The following FAM180A variants were observed in gnomAD, a reference collection of about 807,000 sequenced individuals.
FAM180A encodes the protein protein FAM180A.
FAM180A carries 14 observed loss-of-function variants against 15.3 expected under a neutral mutation model. That is an observed-to-expected ratio of 0.92 (90% CI 0.61 to 1.43). The LOEUF (loss-of-function observed/expected upper bound fraction) is 1.43. FAM180A is among the 40% of genes most tolerant of loss of function. The probability of loss-of-function intolerance (pLI) is 0.00; values close to 1 mark genes in which losing one functional copy is unlikely to be tolerated. For missense variants in FAM180A, 200 were observed against 220.8 expected (o/e 0.91, Z 0.60); for synonymous variants, 90 against 96.8 (o/e 0.93, Z 0.41).
At chr7:135,747,058 C>T (rs888324842) in intron 1 of FAM180A, among the ~76,000 whole-genome samples, 2 of 152,158 alleles carry the variant, frequency 1.3e-5, no homozygotes, top group African/African-American at 4.8e-5. Context: ...CAAGATTGCA[C>T]CCCTGCATTC....
chr7:135,740,924 T>G (rs1796935982), intron 1 of FAM180A, among the ~76,000 whole-genome samples: 1 of 150,748 alleles, frequency 6.6e-6, no homozygotes, highest in Admixed American at 6.6e-5. Flanking sequence ...TATCTCTTAT[T>G]GCCAAATTAA....
intron 3 of FAM180A, among the ~76,000 whole-genome samples, chr7:135,730,726 G>A (rs1263216897): frequency 2.0e-5 from 3 of 152,088 alleles, no homozygotes; most frequent in Non-Finnish European, 4.4e-5. Context: ...AGGCAAAATA[G>A]GAGACCCTGT....
rs184844634 is a variant in FAM180A, at chr7:135,736,278, T to C, written c.177+821A>G. On this transcript the variant is annotated intron_variant, in intron 2 of 3. Coordinates refer to ENST00000338588, the MANE Select transcript of FAM180A (RefSeq NM_205855.4). Reference sequence around the variant, plus strand: ...CCTTGTGATCCGCCCGCCTTGGCCTTCCAAAGTGCTGGGATTACAGGCGTA... The same window carrying C: ...CCTTGTGATCCGCCCGCCTTGGCCTCCCAAAGTGCTGGGATTACAGGCGTA... Among the ~76,000 whole-genome samples, 186 of 152,222 alleles carry C rather than the reference T, an allele frequency of 1.2e-3. 1 individual carries two copies. In the East Asian group the frequency reaches 0.032, roughly 26 times the overall value.
At chr7:135,738,726 G>A (rs923857314) in intron 1 of FAM180A, among the ~76,000 whole-genome samples, 1 of 152,238 alleles carries the variant, frequency 6.6e-6, no homozygotes, top group Non-Finnish European at 1.5e-5. Context: ...CAGGCTAGGA[G>A]CAAATAGCTC....
At chr7:135,735,186 G>A (rs1393303008) in intron 2 of FAM180A, among the ~76,000 whole-genome samples, 1 of 152,198 alleles carries the variant, frequency 6.6e-6, no homozygotes, top group Non-Finnish European at 1.5e-5. Flanking sequence ...TTACAGGCAT[G>A]AGCCACTACC....
chr7:135,730,268 A>C lies in FAM180A; in HGVS notation c.*343T>G. On this transcript the variant is annotated 3_prime_UTR_variant, in exon 4 of 4. Coordinates refer to ENST00000338588, the MANE Select transcript of FAM180A (RefSeq NM_205855.4). ...AAAGTTTTTAGATCCTGGGCCAGGCACGGTGGCTCACGCCTGTAATCCTAG... is the reference window on the plus strand; with the variant it reads ...AAAGTTTTTAGATCCTGGGCCAGGCCCGGTGGCTCACGCCTGTAATCCTAG... 1 of 985,366 alleles carries C rather than the reference A, an allele frequency of 1.0e-6. No individual in the cohort carries two copies. Among genetic ancestry groups the C allele is most frequent in the Non-Finnish European group, 1.2e-6 (1 of 829,860 alleles). 61.0% of individuals were successfully genotyped at this position (985,366 alleles called of 1,614,324 possible). A position where few individuals can be genotyped will look rare whatever the true frequency, so the allele number is the denominator to read the frequency against.
intron 1 of FAM180A, among the ~76,000 whole-genome samples, chr7:135,741,819 T>C (rs1796954681): frequency 7.1e-6 from 1 of 141,844 alleles, no homozygotes; most frequent in South Asian, 2.2e-4. Context: ...TGAGACCCTG[T>C]CTCAAAAAAA....
chr7:135,746,629 AC>A (rs1797035372), intron 1 of FAM180A, among the ~76,000 whole-genome samples: 1 of 152,134 alleles, frequency 6.6e-6, no homozygotes, highest in African/African-American at 2.4e-5. Flanking sequence ...GGGCACTGTT[AC>A]CCTGTTTAAT....
chr7:135,738,786 C>A (rs546348908), intron 1 of FAM180A, among the ~76,000 whole-genome samples: 2 of 152,244 alleles, frequency 1.3e-5, no homozygotes, highest in South Asian at 4.2e-4. Flanking sequence ...CAGAAATGAT[C>A]GGCAAGCCCT....
At chr7:135,742,146 C>T (rs1441827651) in intron 1 of FAM180A, among the ~76,000 whole-genome samples, 1 of 152,086 alleles carries the variant, frequency 6.6e-6, no homozygotes, top group Admixed American at 6.5e-5. Context: ...CTCAGTGGCT[C>T]GGCAGCCACC....
At chr7:135,730,669 A>G (rs1046272044) in intron 3 of FAM180A, among the ~76,000 whole-genome samples, 1 of 152,222 alleles carries the variant, frequency 6.6e-6, no homozygotes, top group African/African-American at 2.4e-5. Context: ...ATTATAACCA[A>G]ATGTGACCCC....
intron 1 of FAM180A, among the ~76,000 whole-genome samples, chr7:135,747,554 C>G (rs1177885408): frequency 6.6e-6 from 1 of 152,044 alleles, no homozygotes; most frequent in Non-Finnish European, 1.5e-5. Context: ...CTGCTCTATC[C>G]CCACTCCGGC....
chr7:135,738,161 C>G (rs1172683872), intron 1 of FAM180A, among the ~76,000 whole-genome samples: 1 of 152,180 alleles, frequency 6.6e-6, no homozygotes, highest in Non-Finnish European at 1.5e-5. Context: ...TGGGGTCAAA[C>G]TCAGAGCTTT....
chr7:135,740,727 A>C (rs1270379004), intron 1 of FAM180A, among the ~76,000 whole-genome samples: 6 of 152,142 alleles, frequency 3.9e-5, no homozygotes, highest in African/African-American at 1.4e-4. Context: ...GTGCAGGCAC[A>C]AAGAGGGCAT....
At chr7:135,741,515 CAA>C (rs35800497) in intron 1 of FAM180A, among the ~76,000 whole-genome samples, 3,225 of 135,174 alleles carry the variant, frequency 0.024, 138 homozygotes, top group African/African-American at 0.078. Flanking sequence ...GACTCTGTCT[CAA>C]AAAAAAAAAA....
At position 135,748,802 on chromosome 7, in the gene FAM180A, G is replaced by C; in HGVS notation, c.-222C>G. On this transcript the variant is annotated 5_prime_UTR_variant, in exon 1 of 4. It adds an upstream start codon to the 5' untranslated region. Transcript: ENST00000338588. Reference sequence around the variant, plus strand: ...CCTCTCTTCATTTGACGCTCTCTGGGATTGGGGAACTGGCCTTCCACAGAG... The same window carrying C: ...CCTCTCTTCATTTGACGCTCTCTGGCATTGGGGAACTGGCCTTCCACAGAG... The C allele has an allele frequency of 1.8e-6, 1 of 551,168 alleles. No individual in the cohort carries two copies. The highest frequency in any genetic ancestry group is 2.1e-5 in the South Asian group (1 of 47,750). 34.1% of individuals were successfully genotyped at this position (551,168 alleles called of 1,614,324 possible).
At chr7:135,743,418 T>G (rs1796985329) in intron 1 of FAM180A, among the ~76,000 whole-genome samples, 2 of 152,098 alleles carry the variant, frequency 1.3e-5, no homozygotes, top group South Asian at 4.2e-4. Flanking sequence ...TTGTTTACCA[T>G]GTTGGCCAGG....
At chr7:135,730,913 G>A (rs1796771449) in intron 3 of FAM180A, among the ~76,000 whole-genome samples, 1 of 151,948 alleles carries the variant, frequency 6.6e-6, no homozygotes, top group Non-Finnish European at 1.5e-5. Flanking sequence ...TCTAGTTACT[G>A]AAAATGAGTC....
In FAM180A at chr7:135,733,770, G is replaced by T. The variant is rs1468631083; in HGVS notation, c.*205C>A. The stretch of plus-strand genomic sequence containing the variant: ...ATGACCATTCCAGCCCTTTCTTCCA[G>T]CCCAGGTCACATGATGGCATGAATC... On this transcript the variant is annotated 3_prime_UTR_variant, in exon 3 of 4. Coordinates refer to ENST00000338588, the MANE Select transcript of FAM180A (RefSeq NM_205855.4). The T allele has an allele frequency of 9.4e-6, 13 of 1,379,360 alleles. No homozygotes were observed. The highest frequency in any genetic ancestry group is 3.3e-5 in the Admixed American group (1 of 30,244). 85.4% of individuals were successfully genotyped at this position (1,379,360 alleles called of 1,614,324 possible). A position where few individuals can be genotyped will look rare whatever the true frequency, so the allele number is the denominator to read the frequency against.
Sources: gnomAD v4.1 joint callset for allele counts (sites outside exome capture counted in the v4.1 genomes callset) on GRCh38, gnomAD v4.1.1 for gene constraint, MANE v1.5 for transcripts, NCBI Gene and HGNC (gene_info 2026-07-23, HGNC 2026-07-21) for gene names.